The following COL16A1 variants were observed in gnomAD, a reference collection of about 807,000 sequenced individuals.
COL16A1 encodes the protein collagen type XVI alpha 1 chain, also known as collagen alpha-1(XVI) chain.
COL16A1 carries 189 observed loss-of-function variants against 266.3 expected under a neutral mutation model. The observed-to-expected ratio is 0.71, with a 90% confidence interval of 0.63 to 0.80. The LOEUF is 0.80. Among genes scored for constraint, COL16A1 ranks in the 30% least tolerant of loss-of-function variants. The pLI, the probability that COL16A1 is intolerant of heterozygous loss-of-function variation, is 0.00. For synonymous variants in COL16A1, 740 were observed against 782.3 expected, an observed-to-expected ratio of 0.95 and a Z score of 0.90; for missense variants, 1,928 against 2,122.4, an observed-to-expected ratio of 0.91 and a Z score of 1.80.
chr1:31,676,812 T>C (rs1643224849), intron 42 of COL16A1, among the ~76,000 whole-genome samples: 1 of 152,210 alleles, frequency 6.6e-6, no homozygotes, highest in South Asian at 2.1e-4. Flanking sequence ...AGTAAGTACG[T>C]GTTGAGTGAA....
chr1:31,658,511 G>T lies in COL16A1; in HGVS notation c.3997C>A (p.Pro1333Thr), dbSNP rs1369337229. Residue 1333 changes from proline to threonine, a missense_variant, in exon 64 of 71, where the codon CCC becomes ACC. Physicochemically the swap from Pro to Thr is conservative, Grantham distance 38 (BLOSUM62 -1). Transcript: ENST00000373672. ...ACTGGGGGGCCAGGGTGTCCAGGGGGGCCGGGCTGGCCTGGGAGGCCTGCA... is the reference window on the plus strand; with the variant it reads ...ACTGGGGGGCCAGGGTGTCCAGGGGTGCCGGGCTGGCCTGGGAGGCCTGCA... ...GLAGLPGQPG[P>T]PGHPGPPGEP... 6.2e-7 allele frequency: 1 copy of T among 1,604,478 alleles called. No individual in the cohort carries two copies. Among genetic ancestry groups the T allele is most frequent in the Admixed American group, 1.7e-5 (1 of 58,342 alleles).
intron 37 of COL16A1, among the ~76,000 whole-genome samples, chr1:31,682,687 CT>C (rs1419931533): frequency 6.6e-6 from 1 of 152,208 alleles, no homozygotes; most frequent in Non-Finnish European, 1.5e-5. Context: ...ACATGAATTT[CT>C]GTGTTTAGAG....
At chr1:31,654,476 T>TA (rs5773368) in intron 68 of COL16A1, among the ~76,000 whole-genome samples, 64,653 of 152,056 alleles carry the variant, frequency 0.43, 16,308 homozygotes, top group Non-Finnish European at 0.56. Context: ...CCAGCCATCT[T>TA]ACAGTGCCGC....
At chr1:31,701,584 T>C (rs1200421375) in intron 2 of COL16A1, 47 of 985,058 alleles carry the variant, frequency 4.8e-5, no homozygotes, top group Non-Finnish European at 5.5e-5. Flanking sequence ...CTCTGTCTCA[T>C]CCAGAGTCTG....
At chr1:31,694,192 C>T in intron 11 of COL16A1, 22 bp from the exon 12 acceptor site, 2 of 1,572,788 alleles carry the variant, frequency 1.3e-6, no homozygotes, top group Non-Finnish European at 8.7e-7. Context: ...GAGGAGAGGG[C>T]ATCACACTTC....
intron 26 of COL16A1, among the ~76,000 whole-genome samples, chr1:31,687,003 A>G (rs939062927): frequency 1.3e-5 from 2 of 152,234 alleles, no homozygotes; most frequent in African/African-American, 4.8e-5. Flanking sequence ...GGGTCCTGTG[A>G]GATACAGTGG....
chr1:31,698,693 C>A lies in COL16A1; in HGVS notation c.267-87G>T, dbSNP rs1402832225. 3 of 1,553,696 alleles carry A rather than the reference C, an allele frequency of 1.9e-6. No individual in the cohort carries two copies. Among genetic ancestry groups the A allele is most frequent in the African/African-American group, 1.4e-5 (1 of 73,460 alleles). On this transcript the variant is annotated intron_variant, in intron 4 of 70. Transcript: ENST00000373672. This position sits in a 1 kb window ranked among gnomAD's most constrained non-coding sequence, Gnocchi z 4.1. ...TGAGCCCTCAGGACTGCTGAGCCTA[C>A]CCAAGACATCCACAGGCACACATCT...
intron 60 of COL16A1, 95 bp from the exon 61 acceptor site, chr1:31,661,214 C>G (rs1450461129): frequency 6.7e-7 from 1 of 1,490,428 alleles, no homozygotes; most frequent in Non-Finnish European, 9.1e-7. Flanking sequence ...GCCACCTGCC[C>G]CAGCTTTGGC....
chr1:31,701,478 G>A lies in COL16A1; in HGVS notation c.73+643C>T, dbSNP rs1008549045. 29 of 985,360 alleles carry A rather than the reference G, an allele frequency of 2.9e-5. No individual in the cohort carries two copies. In the South Asian group the frequency reaches 7.5e-4, roughly 26 times the overall value. The allele number at this position is 985,360 out of a possible 1,614,324, so 61.0% of individuals were successfully genotyped here. Reference sequence around the variant, plus strand: ...CCTAGGAGTTCTGTTCCTGCTTGGCGAAGCAGCTGAGCTACTGAGCCCAGA... The same window carrying A: ...CCTAGGAGTTCTGTTCCTGCTTGGCAAAGCAGCTGAGCTACTGAGCCCAGA... On this transcript the variant is annotated intron_variant, in intron 2 of 70. Coordinates refer to ENST00000373672, the MANE Select transcript of COL16A1 (RefSeq NM_001856.4).
chr1:31,699,928 A>G lies in COL16A1; in HGVS notation c.151T>C (p.Phe51Leu), dbSNP rs754855757. The change falls in exon 4 of 71, where the codon TTC becomes CTC. Residue 51 changes from phenylalanine to leucine, a missense_variant and splice_region_variant. Phe to Leu is a conservative substitution (Grantham distance 22). Coordinates refer to ENST00000373672, the MANE Select transcript of COL16A1 (RefSeq NM_001856.4). ...SSSLPANVTGFNLIHRLSLMK... is the reference protein window; with the variant it reads ...SSSLPANVTGLNLIHRLSLMK... ...AGGCTGAGTCGGTGGATGAGGTTGAAGCCTTTGGGGGAGACATCAGGTGAA... is the reference window on the plus strand; with the variant it reads ...AGGCTGAGTCGGTGGATGAGGTTGAGGCCTTTGGGGGAGACATCAGGTGAA... The G allele has an allele frequency of 2.5e-6, 4 of 1,611,088 alleles. No individual in the cohort carries two copies. The highest frequency in any genetic ancestry group is 2.2e-5 in the South Asian group (2 of 90,994).
chr1:31,675,655 CTTTTCTT>C (rs946528206), intron 42 of COL16A1, among the ~76,000 whole-genome samples: 24 of 151,842 alleles, frequency 1.6e-4, no homozygotes, highest in Admixed American at 3.3e-4. Flanking sequence ...TTTTCCTTTC[CTTTTCTT>C]TTTTCTTTTT....
At chr1:31,702,040 G>A (rs1460191814) in intron 2 of COL16A1, 81 bp downstream of exon 2, 1 of 1,599,214 alleles carries the variant, frequency 6.3e-7, no homozygotes, top group African/African-American at 1.3e-5. Flanking sequence ...CACATACATG[G>A]TCACATATGT....
intron 1 of COL16A1, among the ~76,000 whole-genome samples, chr1:31,702,644 A>G (rs1644761710): frequency 6.6e-6 from 1 of 152,196 alleles, no homozygotes; most frequent in Admixed American, 6.5e-5. Context: ...CAAGTCTAGC[A>G]TCTTGTGCAC....
At chr1:31,687,604 G>C (rs74980627) in intron 26 of COL16A1, among the ~76,000 whole-genome samples, 2 of 151,228 alleles carry the variant, frequency 1.3e-5, no homozygotes, top group Admixed American at 6.6e-5. Context: ...GGGCAGAACT[G>C]TCAGGACTCG....
intron 58 of COL16A1, 24 bp downstream of exon 58, chr1:31,662,307 GCCC>G: frequency 4.4e-6 from 7 of 1,597,950 alleles, no homozygotes; most frequent in Non-Finnish European, 6.0e-6. Flanking sequence ...AGGAAGGGGT[GCCC>G]GCCCTCCCAG....
intron 70 of COL16A1, chr1:31,653,376 T>C: frequency 1.9e-6 from 1 of 513,052 alleles, no homozygotes; most frequent in Non-Finnish European, 3.4e-6. Flanking sequence ...TCCTACTGCA[T>C]CATGCTAGCC....
chr1:31,695,655 G>GC, intron 10 of COL16A1, 106 bp downstream of exon 10: 1 of 1,063,312 alleles, frequency 9.4e-7, no homozygotes, highest in Non-Finnish European at 1.4e-6. Context: ...AATGCCAGGA[G>GC]CTGTGTAGTC....
chr1:31,654,971 C>CT (rs10586841), intron 67 of COL16A1, 113 bp from the exon 68 acceptor site: 11,784 of 412,228 alleles, frequency 0.029, 36 homozygotes, highest in South Asian at 0.044. Context: ...CCCACAGATT[C>CT]TTTTTTTTTT....
At chr1:31,674,555 T>C (rs945118048) in intron 44 of COL16A1, among the ~76,000 whole-genome samples, 6 of 152,200 alleles carry the variant, frequency 3.9e-5, no homozygotes, top group African/African-American at 1.4e-4. Context: ...GCTTCTCAAA[T>C]CCATCTCCTC....
Sources: gnomAD v4.1 joint callset for allele counts (sites outside exome capture counted in the v4.1 genomes callset) on GRCh38, gnomAD v4.1.1 for gene constraint, Gnocchi (gnomAD v3.1) non-coding constraint, MANE v1.5 for transcripts, NCBI Gene and HGNC (gene_info 2026-07-23, HGNC 2026-07-21) for gene names.